The following ROBO2 variants were observed in gnomAD, a reference collection of about 807,000 sequenced individuals.
ROBO2 encodes roundabout homolog 2.
A neutral mutation model predicts 160.8 loss-of-function variants in ROBO2; 53 were observed. That is an observed-to-expected ratio of 0.33 (90% confidence interval 0.26 to 0.41). The LOEUF (loss-of-function observed/expected upper bound fraction) is 0.41, where lower values mean the gene tolerates loss of function less well. Among genes scored for constraint, ROBO2 ranks in the 10% least tolerant of loss-of-function variants. The probability of loss-of-function intolerance (pLI) is 1.00; values close to 1 mark genes in which losing one functional copy is unlikely to be tolerated. For synonymous variants in ROBO2, 664 were observed against 611.7 expected, an observed-to-expected ratio of 1.09 and a Z score of -1.26; for missense variants, 1,577 against 1,722.4, an observed-to-expected ratio of 0.92 and a Z score of 1.49.
intron 2 of ROBO2, among the ~76,000 whole-genome samples, chr3:76,763,043 G>A (rs2061391873): frequency 6.6e-6 from 1 of 151,598 alleles, no homozygotes; most frequent in Admixed American, 6.6e-5. Context: ...AAGTTAGTAG[G>A]CATTTCCATA....
At chr3:76,537,272 C>T (rs1330893972) in intron 2 of ROBO2, among the ~76,000 whole-genome samples, 1 of 151,990 alleles carries the variant, frequency 6.6e-6, no homozygotes, top group East Asian at 1.9e-4. Context: ...CACCTCAGAC[C>T]ATTTGCCAAT....
chr3:77,112,250 G>A (rs73095826), intron 2 of ROBO2, among the ~76,000 whole-genome samples: 14 of 149,034 alleles, frequency 9.4e-5, no homozygotes, highest in African/African-American at 2.7e-4. Context: ...GGGGGTGGAG[G>A]GGGGGACGCA....
chr3:76,633,159 G>T (rs1269400546), intron 2 of ROBO2, among the ~76,000 whole-genome samples: 1 of 152,038 alleles, frequency 6.6e-6, no homozygotes, highest in African/African-American at 2.4e-5. Flanking sequence ...GTCAATACCA[G>T]GTACTGCTTT....
intron 2 of ROBO2, among the ~76,000 whole-genome samples, chr3:76,988,519 A>G (rs1370994917): frequency 6.6e-6 from 1 of 152,144 alleles, no homozygotes; most frequent in Non-Finnish European, 1.5e-5. Flanking sequence ...AATGTAGAAG[A>G]CAGTACTCTT....
At chr3:76,690,676 C>G (rs940996040) in intron 2 of ROBO2, among the ~76,000 whole-genome samples, 1 of 152,052 alleles carries the variant, frequency 6.6e-6, no homozygotes, top group Non-Finnish European at 1.5e-5. Flanking sequence ...ATATTCCCCT[C>G]TAGATGAAAA....
chr3:77,082,335 G>T (rs2068751849), intron 1 of ROBO2, among the ~76,000 whole-genome samples: 1 of 152,060 alleles, frequency 6.6e-6, no homozygotes, highest in African/African-American at 2.4e-5. Context: ...TGTCTAATTG[G>T]TGGTGGTTGT....
chr3:76,008,165 G>A (rs1199118356), intron 2 of ROBO2, among the ~76,000 whole-genome samples: 2 of 144,858 alleles, frequency 1.4e-5, no homozygotes, highest in Non-Finnish European at 3.0e-5. Context: ...AACCTGGGAG[G>A]TGGAGGTTGC....
At chr3:77,011,765 G>T (rs1432107384) in intron 2 of ROBO2, among the ~76,000 whole-genome samples, 1 of 151,980 alleles carries the variant, frequency 6.6e-6, no homozygotes, top group East Asian at 1.9e-4. Flanking sequence ...TTGCCCCTTT[G>T]TTATGCTCTA....
intron 2 of ROBO2, among the ~76,000 whole-genome samples, chr3:77,008,170 G>GA (rs1164718743): frequency 6.6e-6 from 1 of 151,728 alleles, no homozygotes; most frequent in Non-Finnish European, 1.5e-5. Flanking sequence ...TTGTTCCCCA[G>GA]AAAAAAAGAA....
intron 2 of ROBO2, among the ~76,000 whole-genome samples, chr3:76,329,423 G>A (rs1002422114): frequency 1.8e-4 from 28 of 152,252 alleles, no homozygotes; most frequent in African/African-American, 6.7e-4. Flanking sequence ...TCCCCGTGTT[G>A]GCCGGGCTGG....
chr3:77,180,144 T>C (rs1007430602), intron 2 of ROBO2, among the ~76,000 whole-genome samples: 1 of 151,970 alleles, frequency 6.6e-6, no homozygotes, highest in African/African-American at 2.4e-5. Context: ...TAATCTTCTG[T>C]TTACCACTAA....
In ROBO2 at chr3:76,446,215, C is replaced by T. The variant is rs142132767; in HGVS notation, c.109+508613C>T. Among the ~76,000 whole-genome samples, 804 of 152,200 alleles carry T rather than the reference C, an allele frequency of 5.3e-3. 9 individuals are homozygous for T. Among genetic ancestry groups the T allele is most frequent in the Middle Eastern group, 0.01 (3 of 294 alleles). Reference sequence around the variant, plus strand: ...AGTCTCAGGATACAAAATCAATGTGCAAAAATCACAAGCATTCTTTTACAA... The same window carrying T: ...AGTCTCAGGATACAAAATCAATGTGTAAAAATCACAAGCATTCTTTTACAA... On this transcript the variant is annotated intron_variant, in intron 2 of 26. Coordinates refer to the ROBO2 transcript ENST00000487694.
chr3:76,509,789 C>T (rs1282649762), intron 2 of ROBO2, among the ~76,000 whole-genome samples: 2 of 152,130 alleles, frequency 1.3e-5, no homozygotes, highest in African/African-American at 4.8e-5. Context: ...TAATTAATGC[C>T]TCACTCAGGT....
chr3:76,924,534 T>G (rs1418127954), intron 2 of ROBO2, among the ~76,000 whole-genome samples: 1 of 152,174 alleles, frequency 6.6e-6, no homozygotes, highest in Non-Finnish European at 1.5e-5. Context: ...GCTACCCACA[T>G]TAAGGCATTT....
intron 2 of ROBO2, among the ~76,000 whole-genome samples, chr3:76,964,301 T>C (rs1234519892): frequency 6.6e-6 from 1 of 152,146 alleles, no homozygotes; most frequent in East Asian, 1.9e-4. Context: ...CTTTTGGGTA[T>C]CATCTAGTTC....
At chr3:76,346,513 G>C (rs1232479081) in intron 2 of ROBO2, among the ~76,000 whole-genome samples, 1 of 151,696 alleles carries the variant, frequency 6.6e-6, no homozygotes, top group Non-Finnish European at 1.5e-5. Flanking sequence ...TACTCTTTTG[G>C]CCTTCAAAAT....
intron 2 of ROBO2, among the ~76,000 whole-genome samples, chr3:76,030,280 G>T (rs887077989): frequency 7.3e-5 from 11 of 151,180 alleles, no homozygotes; most frequent in Middle Eastern, 3.2e-3. Flanking sequence ...TTTGTCAGAT[G>T]TGTAGATTGC....
At chr3:77,300,405 G>A (rs1044513031) in intron 2 of ROBO2, among the ~76,000 whole-genome samples, 6 of 152,028 alleles carry the variant, frequency 3.9e-5, no homozygotes, top group Non-Finnish European at 8.8e-5. Context: ...CAAACAGACA[G>A]TTACTCCTAT....
At chr3:75,983,956 C>A (rs1157575543) in intron 2 of ROBO2, among the ~76,000 whole-genome samples, 1 of 151,434 alleles carries the variant, frequency 6.6e-6, no homozygotes, top group African/African-American at 2.4e-5. Context: ...ATCCTTTGCT[C>A]ACTAATTCGG....
Sources: gnomAD v4.1 joint callset for allele counts (sites outside exome capture counted in the v4.1 genomes callset) on GRCh38, gnomAD v4.1.1 for gene constraint, MANE v1.5 for transcripts, NCBI Gene and HGNC (gene_info 2026-07-23, HGNC 2026-07-21) for gene names.